Variants in SEC14L2 observed in about 807,000 individuals in gnomAD.
SEC14L2 encodes SEC14 like lipid binding 2, also known as SEC14-like protein 2.
A neutral mutation model predicts 56.9 loss-of-function variants in SEC14L2; 50 were observed. That is an observed-to-expected ratio of 0.88 (90% confidence interval 0.70 to 1.11). The LOEUF is 1.11. SEC14L2 is among the 50% of genes most tolerant of loss of function. SEC14L2 has a pLI of 0.00. For synonymous variants in SEC14L2, 179 were observed against 188.5 expected, an observed-to-expected ratio of 0.95 and a Z score of 0.41; for missense variants, 414 against 500.7, an observed-to-expected ratio of 0.83 and a Z score of 1.65.
In SEC14L2 at chr22:30,410,621, T is replaced by C; in HGVS notation, c.606T>C (p.Tyr202=). The C allele has an allele frequency of 1.2e-6, 2 of 1,614,226 alleles. No homozygotes were observed. Among genetic ancestry groups the C allele is most frequent in the African/African-American group, 1.3e-5 (1 of 75,070 alleles). ...CCCCCAAACTGTTTCCTGTGGCCTA[T>C]AACCTCATCAAACCCTTCCTGAGTG... ...VKAPKLFPVA[Y]NLIKPFLSED... is the part of the protein sequence containing the mutation. Residue 202 remains tyrosine (Y), a synonymous_variant, in exon 8 of 12, where the codon TAT becomes TAC. Transcript: ENST00000615189.
intron 8 of SEC14L2, among the ~76,000 whole-genome samples, chr22:30,411,615 G>A (rs778109057): frequency 1.3e-5 from 2 of 151,730 alleles, no homozygotes; most frequent in Non-Finnish European, 2.9e-5. Context: ...GCGTCGTGGT[G>A]TGCACCTGTA....
intron 2 of SEC14L2, among the ~76,000 whole-genome samples, chr22:30,403,832 T>C (rs1294223033): frequency 6.6e-6 from 1 of 151,144 alleles, no homozygotes; most frequent in African/African-American, 2.4e-5. Flanking sequence ...TGAAACCCCG[T>C]CTCTACTAAA....
At chr22:30,398,377 C>G (rs1039030437) in intron 1 of SEC14L2, among the ~76,000 whole-genome samples, 2 of 152,126 alleles carry the variant, frequency 1.3e-5, no homozygotes, top group African/African-American at 4.8e-5. Flanking sequence ...CCTGGCTGAC[C>G]TAGGCAAGGG....
intron 2 of SEC14L2, among the ~76,000 whole-genome samples, chr22:30,404,044 G>A (rs142995454): frequency 0.069 from 4,987 of 72,230 alleles, 127 homozygotes; most frequent in Non-Finnish European, 0.11. Context: ...AAAAAAAAAA[G>A]AAGATAAGGG....
In SEC14L2 at chr22:30,399,587, C is replaced by G. The variant is rs185221522; in HGVS notation, c.55-56C>G. The stretch of plus-strand genomic sequence containing the variant: ...AAAGATCTCAGTGGAGAGTCCTAGG[C>G]AGAGGGCAGCAGTCAGGGCGGGCCC... On this transcript the variant is annotated intron_variant, in intron 1 of 11. Coordinates refer to ENST00000615189, the MANE Select transcript of SEC14L2 (RefSeq NM_012429.5). 27 of 1,318,228 alleles carry G rather than the reference C, an allele frequency of 2.0e-5. No homozygotes were observed. In the Admixed American group the frequency reaches 3.8e-4, roughly 19 times the overall value. 81.7% of individuals were successfully genotyped at this position (1,318,228 alleles called of 1,614,324 possible).
Position 30,409,194 on chromosome 22 carries a change from G to A in SEC14L2, c.431G>A (p.Arg144Lys), listed in dbSNP as rs772419793. The A allele has an allele frequency of 8.1e-6, 13 of 1,613,964 alleles. No homozygotes were observed. The highest frequency in any genetic ancestry group is 1.0e-5 in the Non-Finnish European group (12 of 1,179,906). Residue 144 changes from arginine to lysine, a missense_variant, in exon 6 of 12, where the codon AGG (arginine) becomes AAG (lysine). By Grantham distance (26) the Arg-to-Lys change is conservative. Coordinates refer to ENST00000615189, the MANE Select transcript of SEC14L2 (RefSeq NM_012429.5). ...ECAHQTTKLGRKVETITIIYD... is the reference protein window; with the variant it reads ...ECAHQTTKLGKKVETITIIYD... ...GCTCTCTGTTCCCTGCAGTTGGGGA[G>A]GAAGGTGGAGACCATCACCATAATT...
intron 1 of SEC14L2, chr22:30,397,397 G>A (rs902885819): frequency 1.6e-5 from 8 of 504,892 alleles, no homozygotes; most frequent in Admixed American, 3.9e-5. Flanking sequence ...GCTCTGAGCA[G>A]CCGTGGCGGT....
rs753582994 is a variant in SEC14L2, at chr22:30,407,532, C to T, written c.352C>T (p.Gln118Ter). 3 of 1,614,022 alleles carry T rather than the reference C, an allele frequency of 1.9e-6. No individual in the cohort carries two copies. The highest frequency in any genetic ancestry group is 1.3e-5 in the African/African-American group (1 of 74,908). ...GGGTCTGCTGTTCTCAGCCTCCAAA[C>T]AGGACCTGCTGAGGACCAAGATGCG... ...AKGLLFSASKQDLLRTKMREC... is the reference protein window; with the variant it reads ...AKGLLFSASK Residue 118 changes from glutamine to a stop codon, truncating the protein, a stop_gained, in exon 5 of 12, where the codon CAG (glutamine) becomes TAG (stop). Coordinates refer to ENST00000615189, the MANE Select transcript of SEC14L2 (RefSeq NM_012429.5). LOFTEE classifies it high-confidence loss of function.
intron 8 of SEC14L2, among the ~76,000 whole-genome samples, chr22:30,411,371 G>C (rs964178485): frequency 6.6e-6 from 1 of 152,128 alleles, no homozygotes; most frequent in African/African-American, 2.4e-5. Context: ...TTTCAGTTGG[G>C]GAAAACTAGG....
chr22:30,407,139 C>G lies in SEC14L2; in HGVS notation c.219C>G (p.Ser73Arg). ...AAAAGGACATTGACAACATCATTAG[C>G]TGGCAGCCTCCAGAGGTGAGCACAA... is the stretch of plus-strand genomic sequence containing the variant. ...RKQKDIDNII[S>R]WQPPEVIQQY... is the part of the protein sequence containing the mutation. The change falls in exon 4 of 12, where the codon AGC (serine) becomes AGG (arginine). Residue 73 changes from serine to arginine, a missense_variant. By Grantham distance (110) the Ser-to-Arg change is moderately radical (BLOSUM62 -1). Transcript: ENST00000615189. The G allele has an allele frequency of 6.2e-7, 1 of 1,614,036 alleles. No homozygotes were observed. The highest frequency in any genetic ancestry group is 1.1e-5 in the South Asian group (1 of 91,088).
intron 11 of SEC14L2, 112 bp from the exon 12 acceptor site, chr22:30,422,165 C>T (rs1473615570): frequency 7.3e-7 from 1 of 1,361,980 alleles, no homozygotes; most frequent in African/African-American, 1.4e-5. Flanking sequence ...ACCTTCATCC[C>T]CATGACCTGC....
At chr22:30,401,186 GATTTATTTATTTATTTATTT>G (rs55835116) in intron 2 of SEC14L2, among the ~76,000 whole-genome samples, 2 of 146,326 alleles carry the variant, frequency 1.4e-5, no homozygotes, top group African/African-American at 5.0e-5. Context: ...GGTCTCAAGT[GATTTATTTATTTATTTATTT>G]ATTTATTTAT....
intron 10 of SEC14L2, 70 bp from the exon 11 acceptor site, chr22:30,416,164 C>T (rs1934384975): frequency 3.1e-6 from 5 of 1,608,860 alleles, no homozygotes; most frequent in Non-Finnish European, 4.3e-6. Context: ...TAGGAGAAGC[C>T]CTGGTGCCAG....
chr22:30,402,776 C>CA (rs1307916510), intron 2 of SEC14L2, among the ~76,000 whole-genome samples: 2 of 151,324 alleles, frequency 1.3e-5, no homozygotes, highest in Non-Finnish European at 2.9e-5. Context: ...ACCCAAAACC[C>CA]AAAAAACAAC....
Position 30,423,402 on chromosome 22 carries a change from G to A in SEC14L2, c.*995G>A, listed in dbSNP as rs1378806952. The A allele has an allele frequency of 6.5e-6, 1 of 152,736 alleles. No individual in the cohort carries two copies. The highest frequency in any genetic ancestry group is 1.5e-5 in the Non-Finnish European group (1 of 68,080). 9.5% of individuals were successfully genotyped at this position (152,736 alleles called of 1,614,324 possible). On this transcript the variant is annotated 3_prime_UTR_variant, in exon 12 of 12. Transcript: ENST00000615189. ...ACTAAGCAGTCCCATCTCTGTGGGA[G>A]GCATGCAACGCGTGCAGGGAGTTCA...
intron 11 of SEC14L2, among the ~76,000 whole-genome samples, chr22:30,418,728 T>C (rs1172384707): frequency 2.0e-5 from 3 of 152,222 alleles, no homozygotes; most frequent in Non-Finnish European, 4.4e-5. Flanking sequence ...AGCTGTTACC[T>C]GGTGCCACAG....
Position 30,410,587 on chromosome 22 carries a change from C to T in SEC14L2, c.581-9C>T, listed in dbSNP as rs751928806. 1.9e-6 allele frequency: 3 copies of T among 1,613,674 alleles called. No homozygotes were observed. In the African/African-American group the frequency reaches 4.0e-5, roughly 22 times the overall value. ...CTCCCAGCCTCACATTATCTGGTCT[C>T]TGTTCCAGCCCCCAAACTGTTTCCT... On this transcript the variant is annotated splice_polypyrimidine_tract_variant and intron_variant, in intron 7 of 11. Transcript: ENST00000615189.
intron 8 of SEC14L2, among the ~76,000 whole-genome samples, chr22:30,410,991 G>A (rs992128126): frequency 3.3e-5 from 5 of 152,232 alleles, no homozygotes; most frequent in Non-Finnish European, 5.9e-5. Context: ...GAGGCTGGGT[G>A]CAGTGGCTCA....
At chr22:30,401,500 ATATTTT>A (rs1020822809) in intron 2 of SEC14L2, among the ~76,000 whole-genome samples, 4 of 142,860 alleles carry the variant, frequency 2.8e-5, no homozygotes, top group African/African-American at 1.0e-4. Context: ...TTTTTATTTT[ATATTTT>A]TATTTTTATT....
Sources: gnomAD v4.1 joint callset for allele counts (sites outside exome capture counted in the v4.1 genomes callset) on GRCh38, gnomAD v4.1.1 for gene constraint, MANE v1.5 for transcripts, NCBI Gene and HGNC (gene_info 2026-07-23, HGNC 2026-07-21) for gene names.